TULP4: variants seen among roughly 807,000 people sequenced by gnomAD.
TULP4 encodes tubby-related protein 4.
A neutral mutation model predicts 129.0 loss-of-function variants in TULP4; 16 were observed. The observed-to-expected ratio is 0.12, with a 90% CI of 0.08 to 0.19. The LOEUF is 0.19. Ranked by LOEUF, TULP4 falls within the 10% of genes least tolerant of loss-of-function variation. TULP4 has a pLI of 1.00. For synonymous variants in TULP4, 998 were observed against 854.0 expected (o/e 1.17, Z -2.94); for missense variants, 1,842 against 2,059.1 (o/e 0.89, Z 2.04).
intron 1 of TULP4, among the ~76,000 whole-genome samples, chr6:158,271,558 A>C (rs1017251272): frequency 6.6e-6 from 1 of 151,832 alleles, no homozygotes; most frequent in Non-Finnish European, 1.5e-5. Flanking sequence ...TCAGCCTCTG[A>C]GTAGCTGGGG....
intron 2 of TULP4, among the ~76,000 whole-genome samples, chr6:158,424,399 A>T (rs995881900): frequency 1.3e-5 from 2 of 152,070 alleles, no homozygotes; most frequent in Non-Finnish European, 2.9e-5. Flanking sequence ...ACAGATGCGC[A>T]CTACCACACC....
At chr6:158,463,667 T>A (rs541269875) in intron 6 of TULP4, among the ~76,000 whole-genome samples, 21 of 114,708 alleles carry the variant, frequency 1.8e-4, no homozygotes, top group South Asian at 1.7e-3. Flanking sequence ...TATATATATA[T>A]AAAAAGAAAA....
At chr6:158,500,179 G>A (rs1367679057) in intron 12 of TULP4, among the ~76,000 whole-genome samples, 1 of 152,250 alleles carries the variant, frequency 6.6e-6, no homozygotes, top group Admixed American at 6.5e-5. Context: ...TTCTCAATGA[G>A]AGGAGGGAAC....
rs1428517884 is a variant in TULP4 at position 158,461,662 on chromosome 6, A to T, written c.959A>T (p.Lys320Met). 2.5e-6 allele frequency: 4 copies of T among 1,614,016 alleles called. No individual in the cohort carries two copies. The highest frequency in any genetic ancestry group is 1.3e-5 in the African/African-American group (1 of 74,914). The change falls in exon 6 of 14, where the codon AAG becomes ATG. Residue 320 changes from lysine to methionine, a missense_variant. By Grantham distance (95) the Lys-to-Met change is moderately conservative (BLOSUM62 -1). Coordinates refer to ENST00000367097, the MANE Select transcript of TULP4 (RefSeq NM_020245.5). ...LGELPNGPLLKSAMVKFYNVR... is the reference protein window; with the variant it reads ...LGELPNGPLLMSAMVKFYNVR... Reference sequence around the variant, plus strand: ...GAGCTTCCCAATGGTCCCCTTCTGAAGAGTGCCATGGTCAAGTTCTACAAT... The same window carrying T: ...GAGCTTCCCAATGGTCCCCTTCTGATGAGTGCCATGGTCAAGTTCTACAAT...
intron 1 of TULP4, among the ~76,000 whole-genome samples, chr6:158,350,691 A>G (rs1036509819): frequency 6.6e-6 from 1 of 151,982 alleles, no homozygotes; most frequent in African/African-American, 2.4e-5. Context: ...TGGCAGTACA[A>G]TCCAGGCTTG....
chr6:158,470,570 G>T (rs1260420957), intron 6 of TULP4, among the ~76,000 whole-genome samples: 1 of 152,246 alleles, frequency 6.6e-6, no homozygotes, highest in Non-Finnish European at 1.5e-5. Context: ...AAAGGTGGAT[G>T]CGGTCACCTT....
intron 1 of TULP4, among the ~76,000 whole-genome samples, chr6:158,388,352 C>T (rs561296453): frequency 1.2e-4 from 5 of 42,586 alleles, no homozygotes; most frequent in African/African-American, 4.0e-4. Flanking sequence ...TTTTTTGAGA[C>T]GGAGTCTCAC....
chr6:158,429,243 A>T (rs887462187), intron 2 of TULP4, among the ~76,000 whole-genome samples: 1 of 152,152 alleles, frequency 6.6e-6, no homozygotes, highest in African/African-American at 2.4e-5. Flanking sequence ...GGTTCAAGTG[A>T]TTCTCTCACC....
chr6:158,486,707 A>G (rs749294494), intron 8 of TULP4, among the ~76,000 whole-genome samples: 2 of 152,230 alleles, frequency 1.3e-5, no homozygotes, highest in Non-Finnish European at 2.9e-5. Flanking sequence ...AATTTCTATT[A>G]TTGGAGCCAC....
chr6:158,493,536 C>A lies in TULP4; in HGVS notation c.1632-37C>A. On this transcript the variant is annotated intron_variant, in intron 9 of 13. Transcript: ENST00000367097. The surrounding 1 kb of genome is among the most constrained non-coding windows in gnomAD (Gnocchi z 4.4). The stretch of plus-strand genomic sequence containing the variant: ...TCAGGGCCATGCTCACCATTCCCGC[C>A]ACGGATGCCTGACCCCTCCTGGCCT... 7.0e-7 allele frequency: 1 copy of A among 1,437,396 alleles called. No individual in the cohort carries two copies. The highest frequency in any genetic ancestry group is 9.2e-7 in the Non-Finnish European group (1 of 1,091,758). 89.0% of individuals were successfully genotyped at this position (1,437,396 alleles called of 1,614,324 possible).
intron 1 of TULP4, among the ~76,000 whole-genome samples, chr6:158,379,784 G>A (rs374794149): frequency 3.3e-5 from 5 of 152,166 alleles, no homozygotes; most frequent in African/African-American, 9.7e-5. Flanking sequence ...TTTGGGACAG[G>A]CATTCCAGAG....
chr6:158,486,357 T>C (rs1004817797), intron 8 of TULP4, among the ~76,000 whole-genome samples: 1 of 152,036 alleles, frequency 6.6e-6, no homozygotes, highest in Admixed American at 6.6e-5. Context: ...ATCAAGACCA[T>C]CCTGGCTAAC....
chr6:158,422,583 A>G (rs2115035631), intron 2 of TULP4, among the ~76,000 whole-genome samples: 1 of 152,346 alleles, frequency 6.6e-6, no homozygotes, highest in South Asian at 2.1e-4. Context: ...GGAGAGTTTA[A>G]TAGACAAGAA....
At chr6:158,504,837 C>A (rs1780562026) in intron 13 of TULP4, among the ~76,000 whole-genome samples, 1 of 152,126 alleles carries the variant, frequency 6.6e-6, no homozygotes, top group Non-Finnish European at 1.5e-5. Flanking sequence ...TGTTCATTGA[C>A]TTTTCTGTTT....
At chr6:158,327,998 G>A (rs1891350) in intron 1 of TULP4, among the ~76,000 whole-genome samples, 130,825 of 151,870 alleles carry the variant, frequency 0.86, 56,776 homozygotes, top group South Asian at 0.93. Context: ...AGCTTTCTCC[G>A]TAGTGGTCCA....
At chr6:158,331,768 C>T (rs55953321) in intron 1 of TULP4, among the ~76,000 whole-genome samples, 9,985 of 21,534 alleles carry the variant, frequency 0.46, 2,398 homozygotes, top group South Asian at 0.58. Context: ...TGTATATATA[C>T]ACGTATATAT....
Position 158,448,886 on chromosome 6 carries a change from T to A in TULP4, c.544-110T>A, listed in dbSNP as rs1276458902. The A allele has an allele frequency of 2.6e-6, 3 of 1,148,892 alleles. No homozygotes were observed. In the East Asian group the frequency reaches 7.7e-5, roughly 29 times the overall value. The allele number at this position is 1,148,892 out of a possible 1,614,324, so 71.2% of individuals were successfully genotyped here. ...TGTGCTGTTGTTACTTAACTAGCTATTTTTAGTTCTAAATGTATATTGTCT... is the reference window on the plus strand; with the variant it reads ...TGTGCTGTTGTTACTTAACTAGCTAATTTTAGTTCTAAATGTATATTGTCT... On this transcript the variant is annotated intron_variant, in intron 3 of 13. Coordinates refer to ENST00000367097, the MANE Select transcript of TULP4 (RefSeq NM_020245.5).
In TULP4 at chr6:158,508,173, T is replaced by G. The variant is rs142161292; in HGVS notation, c.*1479T>G. On this transcript the variant is annotated 3_prime_UTR_variant, in exon 14 of 14. Transcript: ENST00000367097. Reference sequence around the variant, plus strand: ...TTGTTTTTTGTTGTTGTTTTTTGTTTTTGTTTTTGTTTTTCTCAGTCTTAC... The same window carrying G: ...TTGTTTTTTGTTGTTGTTTTTTGTTGTTGTTTTTGTTTTTCTCAGTCTTAC... 494 of 152,288 alleles carry G rather than the reference T, an allele frequency of 3.2e-3. 1 individual carries two copies. Among genetic ancestry groups the G allele is most frequent in the African/African-American group, 0.011 (455 of 41,534 alleles). The allele number at this position is 152,288 out of a possible 1,614,324, so 9.4% of individuals were successfully genotyped here.
intron 1 of TULP4, among the ~76,000 whole-genome samples, chr6:158,342,093 T>A (rs1259285575): frequency 6.6e-6 from 1 of 152,242 alleles, no homozygotes; most frequent in Non-Finnish European, 1.5e-5. Flanking sequence ...AATTTTTGTA[T>A]TCTTAGTAGA....
Sources: gnomAD v4.1 joint callset for allele counts (sites outside exome capture counted in the v4.1 genomes callset) on GRCh38, gnomAD v4.1.1 for gene constraint, Gnocchi (gnomAD v3.1) non-coding constraint, MANE v1.5 for transcripts, NCBI Gene and HGNC (gene_info 2026-07-23, HGNC 2026-07-21) for gene names.